Variants in ENTREP2 observed in about 807,000 individuals in gnomAD.
ENTREP2 encodes endosomal transmembrane epsin interactor 2, also known as protein ENTREP2.
chr15:29,364,311 T>C, the ENTREP2 span, among the ~76,000 whole-genome samples: 330 of 152,312 alleles, frequency 2.2e-3, 3 homozygotes, highest in African/African-American at 7.3e-3. Flanking sequence ...GCTGGAAACC[T>C]GCCCACCACT....
At chr15:29,460,316 T>A in the ENTREP2 span, among the ~76,000 whole-genome samples, 10 of 152,098 alleles carry the variant, frequency 6.6e-5, no homozygotes, top group Admixed American at 5.9e-4. Flanking sequence ...AAACAATGTA[T>A]GTGTCAGTTA....
the ENTREP2 span, among the ~76,000 whole-genome samples, chr15:29,443,871 G>T: frequency 1.3e-5 from 2 of 152,070 alleles, no homozygotes; most frequent in Non-Finnish European, 2.9e-5. Flanking sequence ...TTGGGAGGGG[G>T]AGGCGGGTGG....
the ENTREP2 span, among the ~76,000 whole-genome samples, chr15:29,498,604 T>A: frequency 2.0e-5 from 3 of 152,198 alleles, no homozygotes; most frequent in African/African-American, 7.2e-5. Flanking sequence ...ATGTATACTT[T>A]AGAAGAATCT....
the ENTREP2 span, among the ~76,000 whole-genome samples, chr15:29,280,244 GCCGA>G: frequency 6.6e-6 from 1 of 152,172 alleles, no homozygotes; most frequent in Non-Finnish European, 1.5e-5. Context: ...ACTAGGACAG[GCCGA>G]CCAACTCATT....
At chr15:29,576,045 A>C in the ENTREP2 span, among the ~76,000 whole-genome samples, 1 of 152,232 alleles carries the variant, frequency 6.6e-6, no homozygotes, top group Non-Finnish European at 1.5e-5. Context: ...GAAAAAGAAC[A>C]AAGTTGAAAG....
At chr15:29,182,807 T>C in the ENTREP2 span, among the ~76,000 whole-genome samples, 2 of 151,984 alleles carry the variant, frequency 1.3e-5, no homozygotes, top group Admixed American at 1.3e-4. Flanking sequence ...TTTCCCGTAA[T>C]GTGGTAACAA....
At chr15:29,455,022 G>T in the ENTREP2 span, among the ~76,000 whole-genome samples, 1 of 152,218 alleles carries the variant, frequency 6.6e-6, no homozygotes. Flanking sequence ...ACCTGGGGTA[G>T]CTCAGCTTGA....
At chr15:29,654,209 T>C in the ENTREP2 span, among the ~76,000 whole-genome samples, 1 of 152,240 alleles carries the variant, frequency 6.6e-6, no homozygotes, top group Admixed American at 6.5e-5. Context: ...ATTTTTGTAA[T>C]TGTACACTAA....
At chr15:29,576,040 A>T in the ENTREP2 span, among the ~76,000 whole-genome samples, 1 of 152,214 alleles carries the variant, frequency 6.6e-6, no homozygotes, top group Non-Finnish European at 1.5e-5. Flanking sequence ...GTCTTGAAAA[A>T]GAACAAAGTT....
chr15:29,297,857 G>A, the ENTREP2 span, among the ~76,000 whole-genome samples: 1 of 152,068 alleles, frequency 6.6e-6, no homozygotes, highest in Non-Finnish European at 1.5e-5. Context: ...TAAGATAAAA[G>A]GAGACAAAAA....
chr15:29,506,517 A>C, the ENTREP2 span, among the ~76,000 whole-genome samples: 4 of 152,278 alleles, frequency 2.6e-5, no homozygotes, highest in Non-Finnish European at 4.4e-5. Context: ...AGAAAGGTCG[A>C]GTTACCCACA....
chr15:29,353,904 A>C, the ENTREP2 span, among the ~76,000 whole-genome samples: 1 of 152,116 alleles, frequency 6.6e-6, no homozygotes, highest in East Asian at 1.9e-4. Flanking sequence ...AGCACATCAC[A>C]CTACTTCCCA....
chr15:29,575,058 G>A, the ENTREP2 span, among the ~76,000 whole-genome samples: 1 of 152,152 alleles, frequency 6.6e-6, no homozygotes, highest in Admixed American at 6.5e-5. Context: ...TTCTAGCTCT[G>A]GCAGCTGCAC....
At chr15:29,253,183 C>T in the ENTREP2 span, among the ~76,000 whole-genome samples, 2 of 152,110 alleles carry the variant, frequency 1.3e-5, no homozygotes, top group Admixed American at 1.3e-4. Flanking sequence ...TGAATCAGGC[C>T]ACACAGGATA....
the ENTREP2 span, among the ~76,000 whole-genome samples, chr15:29,208,812 T>A: frequency 2.7e-5 from 4 of 150,600 alleles, no homozygotes; most frequent in Admixed American, 6.6e-5. Context: ...GGGAGGAGAG[T>A]GGGGAAAACA....
the ENTREP2 span, among the ~76,000 whole-genome samples, chr15:29,312,893 G>C: frequency 0.48 from 72,604 of 152,082 alleles, 19,019 homozygotes; most frequent in African/African-American, 0.72. Flanking sequence ...AAAGACAAGA[G>C]CAGCCAAAAG....
chr15:29,527,393 C>T, the ENTREP2 span, among the ~76,000 whole-genome samples: 10 of 152,168 alleles, frequency 6.6e-5, no homozygotes, highest in Non-Finnish European at 1.2e-4. Flanking sequence ...AGCCACCCCA[C>T]GATCAGCTGA....
At chr15:29,436,534 C>G in the ENTREP2 span, among the ~76,000 whole-genome samples, 2 of 152,160 alleles carry the variant, frequency 1.3e-5, no homozygotes, top group Non-Finnish European at 2.9e-5. Flanking sequence ...ATATGTATTA[C>G]ATATTCAGTC....
chr15:29,621,554 AG>A, the ENTREP2 span, among the ~76,000 whole-genome samples: 16 of 135,256 alleles, frequency 1.2e-4, no homozygotes, highest in East Asian at 3.2e-3. Flanking sequence ...AAAAAAAGTA[AG>A]GGGGCAGCTC....
Sources: allele counts gnomAD v4.1 joint callset (sites outside exome capture counted in the v4.1 genomes callset), GRCh38; gene constraint gnomAD v4.1.1; transcripts MANE v1.5; gene names NCBI Gene and HGNC (gene_info 2026-07-23, HGNC 2026-07-21).